The following CUEDC1 variants were observed in gnomAD, a reference collection of about 807,000 sequenced individuals.
The protein encoded by CUEDC1 is CUE domain-containing protein 1.
CUEDC1 carries 30 observed loss-of-function variants against 43.7 expected under a neutral mutation model. The ratio of observed to expected loss-of-function variants is 0.69; its 90% CI spans 0.51 to 0.93. The LOEUF (loss-of-function observed/expected upper bound fraction) is 0.93. Ranked by LOEUF, CUEDC1 falls within the 40% of genes least tolerant of loss-of-function variation. The pLI is 0.00. For missense variants in CUEDC1, 486 were observed against 549.0 expected (o/e 0.89, Z 1.15); for synonymous variants, 223 against 223.6 (o/e 1.00, Z 0.02).
chr17:57,885,165 C>A (rs550545409), intron 2 of CUEDC1, 64 bp downstream of exon 2: 5 of 1,486,242 alleles, frequency 3.4e-6, no homozygotes, highest in East Asian at 5.0e-5. Context: ...CCGGGCCGTG[C>A]CCCTACCTCC....
intron 2 of CUEDC1, among the ~76,000 whole-genome samples, chr17:57,882,300 G>A (rs968245019): frequency 6.6e-6 from 1 of 151,890 alleles, no homozygotes; most frequent in African/African-American, 2.4e-5. Context: ...GAGTTCCAAA[G>A]GTGGGGGGTT....
At chr17:57,899,188 A>C (rs1340473934) in intron 1 of CUEDC1, among the ~76,000 whole-genome samples, 3 of 152,094 alleles carry the variant, frequency 2.0e-5, no homozygotes, top group African/African-American at 7.2e-5. Context: ...TTCCACCCAG[A>C]GTGAGAAGGG....
At chr17:57,908,044 C>T (rs568260369) in intron 1 of CUEDC1, among the ~76,000 whole-genome samples, 2 of 152,050 alleles carry the variant, frequency 1.3e-5, no homozygotes, top group South Asian at 2.1e-4. Flanking sequence ...CGCATGCCCA[C>T]GGGCCAGCCA....
intron 1 of CUEDC1, among the ~76,000 whole-genome samples, chr17:57,953,594 T>C (rs1423593120): frequency 2.6e-5 from 4 of 152,156 alleles, no homozygotes; most frequent in Non-Finnish European, 5.9e-5. Context: ...ATTAACCGTC[T>C]GGTGTTGAAT....
At position 57,912,870 on chromosome 17, in the gene CUEDC1, A is replaced by G. The variant is rs2074599016; in HGVS notation, c.-315-26991T>C. ...TTTCTTTTTTCAGAGACAGGGTCTC[A>G]CTCTGTCACCTAGGCTGTATGTAGT... On this transcript the variant is annotated intron_variant, in intron 1 of 10. Transcript: ENST00000577830. Among the ~76,000 whole-genome samples, 3 of 151,982 alleles carry G rather than the reference A, an allele frequency of 2.0e-5. No homozygotes were observed. The South Asian group carries it at 6.2e-4, about 32-fold the overall frequency.
chr17:57,874,257 C>T (rs894768918), intron 3 of CUEDC1, among the ~76,000 whole-genome samples: 2 of 152,184 alleles, frequency 1.3e-5, no homozygotes, highest in Non-Finnish European at 2.9e-5. Context: ...AACCACCAGC[C>T]GGCAGGGTAG....
intron 1 of CUEDC1, among the ~76,000 whole-genome samples, chr17:57,931,372 A>G (rs2074802517): frequency 6.6e-6 from 1 of 152,236 alleles, no homozygotes; most frequent in Non-Finnish European, 1.5e-5. Flanking sequence ...CATTCCGGGC[A>G]GTCGCTCATT....
rs1444218778 is a variant in CUEDC1 at position 57,869,161 on chromosome 17, C to T, written c.901G>A (p.Asp301Asn). ...TTCAGCTTGTCCCTGAATAAGGCAT[C>T]TTCAGACACAGCGGGGTTGGCGTCG... is the stretch of plus-strand genomic sequence containing the variant. Reference protein sequence around the residue: ...TGDANPAVSEDALFRDKLKHM... With the variant: ...TGDANPAVSENALFRDKLKHM... The change falls in exon 7 of 11, where the codon GAT (aspartate) becomes AAT (asparagine). Residue 301 changes from aspartate to asparagine, a missense_variant. Coordinates refer to ENST00000577830, the MANE Select transcript of CUEDC1 (RefSeq NM_001271875.2). 3 of 1,614,032 alleles carry T rather than the reference C, an allele frequency of 1.9e-6. No individual in the cohort carries two copies. In the East Asian group the frequency reaches 6.7e-5, roughly 36 times the overall value.
intron 3 of CUEDC1, among the ~76,000 whole-genome samples, chr17:57,876,179 C>A (rs1220038116): frequency 6.6e-6 from 1 of 152,148 alleles, no homozygotes; most frequent in African/African-American, 2.4e-5. Flanking sequence ...AGGTTAAGGC[C>A]CTTGAATGGC....
In CUEDC1 at chr17:57,930,606, G is replaced by A. The variant is rs2143154295; in HGVS notation, c.-316+24619C>T. On this transcript the variant is annotated intron_variant, in intron 1 of 10. Transcript: ENST00000577830. The surrounding 1 kb of genome is among the most constrained non-coding windows in gnomAD (Gnocchi z 4.2). ...CACTTCTTTGGTTCTGCTCAAGCCA[G>A]ACTGAAGCTGGGTCTCCAACAGTGA... Among the ~76,000 whole-genome samples the A allele has an allele frequency of 6.6e-6, 1 of 152,374 alleles. No homozygotes were observed. Among genetic ancestry groups the A allele is most frequent in the South Asian group, 2.1e-4 (1 of 4,832 alleles).
chr17:57,925,118 TAAAAAA>T (rs11413908), intron 1 of CUEDC1, among the ~76,000 whole-genome samples: 2 of 142,968 alleles, frequency 1.4e-5, no homozygotes, highest in African/African-American at 5.2e-5. Flanking sequence ...TTGTGCACAT[TAAAAAA>T]AAAAAAAAGA....
chr17:57,880,167 C>T (rs2074184735), intron 2 of CUEDC1, among the ~76,000 whole-genome samples: 1 of 152,186 alleles, frequency 6.6e-6, no homozygotes, highest in Admixed American at 6.5e-5. Flanking sequence ...GGAATATTCG[C>T]ACTGTGAAAC....
intron 1 of CUEDC1, among the ~76,000 whole-genome samples, chr17:57,931,471 C>G (rs1209381032): frequency 2.0e-5 from 3 of 152,124 alleles, no homozygotes; most frequent in Non-Finnish European, 4.4e-5. Flanking sequence ...TTCTCCTTAC[C>G]CTCCTCTAAA....
In CUEDC1 at chr17:57,872,789, G is replaced by A; in HGVS notation, c.658C>T (p.Pro220Ser). 2 of 1,614,194 alleles carry A rather than the reference G, an allele frequency of 1.2e-6. No homozygotes were observed. The highest frequency in any genetic ancestry group is 1.7e-6 in the Non-Finnish European group (2 of 1,180,032). The change falls in exon 5 of 11, where the codon CCC becomes TCC. Residue 220 changes from proline to serine, a missense_variant. Pro to Ser is a moderately conservative substitution (Grantham distance 74). Coordinates refer to ENST00000577830, the MANE Select transcript of CUEDC1 (RefSeq NM_001271875.2). ...GCPPAMAGPG[P>S]GDQESRWKQY... is the part of the protein sequence containing the mutation. ...TTCCAGCGGCTCTCCTGGTCTCCGG[G>A]CCCTGGCCCAGCCATGGCAGGTGGA...
At chr17:57,913,628 A>G (rs900619019) in intron 1 of CUEDC1, among the ~76,000 whole-genome samples, 2 of 151,836 alleles carry the variant, frequency 1.3e-5, no homozygotes, top group African/African-American at 2.4e-5. Context: ...GGGCCCAGGG[A>G]CTCTAGGGAG....
At chr17:57,935,236 C>T (rs928030266) in intron 1 of CUEDC1, among the ~76,000 whole-genome samples, 3 of 152,212 alleles carry the variant, frequency 2.0e-5, no homozygotes, top group Non-Finnish European at 4.4e-5. Flanking sequence ...TATTCCATGA[C>T]AACAGGATGA....
At chr17:57,867,098 G>C in intron 9 of CUEDC1, 1 of 562,192 alleles carries the variant, frequency 1.8e-6, no homozygotes, top group Admixed American at 3.0e-5. Flanking sequence ...ATATTCCCCA[G>C]AAACAGTACC....
At chr17:57,867,277 C>T in intron 9 of CUEDC1, 80 bp downstream of exon 9, 2 of 1,357,648 alleles carry the variant, frequency 1.5e-6, no homozygotes, top group Non-Finnish European at 2.1e-6. Flanking sequence ...GGCGGGTGCT[C>T]CCATGAAACA....
chr17:57,898,716 A>G (rs2074439484), intron 1 of CUEDC1, among the ~76,000 whole-genome samples: 1 of 151,826 alleles, frequency 6.6e-6, no homozygotes, highest in South Asian at 2.1e-4. Context: ...TGGCCTGGGA[A>G]TCCAGCCCTG....
Sources: allele counts gnomAD v4.1 joint callset (sites outside exome capture counted in the v4.1 genomes callset), GRCh38; gene constraint gnomAD v4.1.1; non-coding constraint Gnocchi (gnomAD v3.1); transcripts MANE v1.5; gene names NCBI Gene and HGNC (gene_info 2026-07-23, HGNC 2026-07-21).